Variants in DNM3 observed in about 807,000 individuals in gnomAD.
DNM3 encodes dynamin 3, also known as dynamin-3.
DNM3 carries 47 observed loss-of-function variants against 101.6 expected under a neutral mutation model. The observed-to-expected ratio is 0.46, with a 90% CI of 0.37 to 0.59. The LOEUF is 0.59. DNM3 is among the 20% of genes least tolerant of loss of function. DNM3 has a pLI of 0.00. For synonymous variants in DNM3, 385 were observed against 387.9 expected, an observed-to-expected ratio of 0.99 and a Z score of 0.09; for missense variants, 849 against 1,085.7, an observed-to-expected ratio of 0.78 and a Z score of 3.06.
Position 172,379,056 on chromosome 1 carries a change from C to T in DNM3, c.1932C>T (p.Ser644=), listed in dbSNP as rs2149056191. 6.2e-7 allele frequency: 1 copy of T among 1,612,092 alleles called. No individual in the cohort carries two copies. Among genetic ancestry groups the T allele is most frequent in the East Asian group, 2.2e-5 (1 of 44,804 alleles). The change falls in exon 18 of 21, where the codon TCC becomes TCT. Residue 644 remains serine (S), a synonymous_variant. Transcript: ENST00000627582. ...AGAATGGACAAGCAGAAAACTTTTCCATGGACCCACAATTGGAGAGGCAAG... is the reference window on the plus strand; with the variant it reads ...AGAATGGACAAGCAGAAAACTTTTCTATGGACCCACAATTGGAGAGGCAAG... ...NDENGQAENF[S]MDPQLERQVE...
chr1:171,967,783 C>G (rs796801700), intron 2 of DNM3, among the ~76,000 whole-genome samples: 8 of 152,236 alleles, frequency 5.3e-5, no homozygotes, highest in African/African-American at 1.9e-4. Context: ...CTGTCCACCC[C>G]TTACCTTCCC....
chr1:172,020,568 A>G (rs2047766534), intron 4 of DNM3, among the ~76,000 whole-genome samples: 1 of 151,816 alleles, frequency 6.6e-6, no homozygotes, highest in South Asian at 2.1e-4. Flanking sequence ...AAAATACAAA[A>G]AAAAATTAGC....
At chr1:171,957,968 G>A (rs1397595190) in intron 2 of DNM3, among the ~76,000 whole-genome samples, 1 of 152,136 alleles carries the variant, frequency 6.6e-6, no homozygotes, top group African/African-American at 2.4e-5. Flanking sequence ...CAGTCCACCG[G>A]TACCAATTTA....
chr1:171,908,905 C>T (rs926849463), intron 1 of DNM3, among the ~76,000 whole-genome samples: 1 of 152,154 alleles, frequency 6.6e-6, no homozygotes, highest in East Asian at 1.9e-4. Flanking sequence ...CCTGTCCCTC[C>T]CTCCTTCCCT....
chr1:171,941,839 G>GTAAC (rs1323918929), intron 2 of DNM3, among the ~76,000 whole-genome samples: 1 of 152,144 alleles, frequency 6.6e-6, no homozygotes, highest in Non-Finnish European at 1.5e-5. Flanking sequence ...CCCAACAGCA[G>GTAAC]TAACTTGTAA....
intron 11 of DNM3, 109 bp downstream of exon 11, chr1:172,069,014 A>C: frequency 1.5e-5 from 12 of 820,760 alleles, no homozygotes; most frequent in Non-Finnish European, 2.2e-5. Context: ...AGGAAAAAAA[A>C]ATAGTGGAAC....
chr1:172,190,212 T>C (rs1431409396), intron 14 of DNM3, among the ~76,000 whole-genome samples: 1 of 152,078 alleles, frequency 6.6e-6, no homozygotes, highest in Non-Finnish European at 1.5e-5. Context: ...CCACCCTGTG[T>C]CCATGTGTTC....
chr1:171,996,601 C>T (rs1307869057), intron 4 of DNM3, among the ~76,000 whole-genome samples: 12 of 152,160 alleles, frequency 7.9e-5, no homozygotes. Flanking sequence ...GCAGATCCAT[C>T]ACATCCTGAT....
At chr1:172,039,679 T>C (rs1270172740) in intron 7 of DNM3, among the ~76,000 whole-genome samples, 1 of 152,082 alleles carries the variant, frequency 6.6e-6, no homozygotes, top group African/African-American at 2.4e-5. Flanking sequence ...TTTTCACAGC[T>C]AGATTCTTGA....
chr1:172,266,323 A>G (rs546406291), intron 15 of DNM3, among the ~76,000 whole-genome samples: 45 of 152,246 alleles, frequency 3.0e-4, no homozygotes, highest in African/African-American at 6.7e-4. Context: ...TCATGTCTCA[A>G]TTGGATATGG....
intron 15 of DNM3, among the ~76,000 whole-genome samples, chr1:172,264,485 C>T (rs1381509359): frequency 6.6e-6 from 1 of 152,168 alleles, no homozygotes; most frequent in Non-Finnish European, 1.5e-5. Context: ...TGAGACAAGA[C>T]CTTATAAGAA....
intron 13 of DNM3, among the ~76,000 whole-genome samples, chr1:172,111,617 T>C (rs1451246078): frequency 6.6e-6 from 1 of 152,210 alleles, no homozygotes; most frequent in African/African-American, 2.4e-5. Flanking sequence ...GCCCAGAAAG[T>C]CTATGCTTTG....
At chr1:172,343,107 C>T (rs193205657) in intron 17 of DNM3, among the ~76,000 whole-genome samples, 1 of 152,166 alleles carries the variant, frequency 6.6e-6, no homozygotes, top group African/African-American at 2.4e-5. Context: ...ACCTCTAAGA[C>T]TAACCATAAT....
intron 10 of DNM3, 136 bp from the exon 11 acceptor site, chr1:172,068,683 A>G (rs1009073365): frequency 1.4e-6 from 1 of 695,540 alleles, no homozygotes; most frequent in Non-Finnish European, 2.5e-6. Flanking sequence ...ATCCTTCTTT[A>G]GGAGTTGATG....
intron 15 of DNM3, among the ~76,000 whole-genome samples, chr1:172,265,418 C>T (rs1025393856): frequency 3.3e-5 from 5 of 152,142 alleles, no homozygotes; most frequent in African/African-American, 4.8e-5. Flanking sequence ...GAATTTCACA[C>T]TCAGACTGGT....
rs750653418 is a variant in DNM3 at position 172,387,999 on chromosome 1, C to T, written c.2286-574C>T. On this transcript the variant is annotated intron_variant, in intron 19 of 20. Transcript: ENST00000627582. ...CTGTATTCCCAGCACTTTGGGAGGC[C>T]GAGGCAAGCGGATCACCTAAGGTCA... Among the ~76,000 whole-genome samples the T allele has an allele frequency of 9.2e-5, 14 of 151,960 alleles. No homozygotes were observed. The East Asian group carries it at 1.2e-3, about 13-fold the overall frequency.
intron 12 of DNM3, among the ~76,000 whole-genome samples, chr1:172,085,141 G>A (rs1418241089): frequency 6.6e-6 from 1 of 151,186 alleles, no homozygotes; most frequent in Non-Finnish European, 1.5e-5. Context: ...GCTTCTAAAT[G>A]TTTTTTCAAC....
intron 13 of DNM3, among the ~76,000 whole-genome samples, chr1:172,129,407 C>T (rs1256021778): frequency 2.6e-5 from 4 of 152,086 alleles, no homozygotes; most frequent in African/African-American, 7.2e-5. Flanking sequence ...TTTTATAAAG[C>T]ATTTGAATGA....
At chr1:172,081,008 C>G (rs1419091672) in intron 11 of DNM3, among the ~76,000 whole-genome samples, 1 of 152,178 alleles carries the variant, frequency 6.6e-6, no homozygotes, top group South Asian at 2.1e-4. Flanking sequence ...GTTGGAAATG[C>G]AGAAATCACC....
Sources: allele counts gnomAD v4.1 joint callset (sites outside exome capture counted in the v4.1 genomes callset), GRCh38; gene constraint gnomAD v4.1.1; transcripts MANE v1.5; gene names NCBI Gene and HGNC (gene_info 2026-07-23, HGNC 2026-07-21).